The following CCNF variants were observed in gnomAD, a reference collection of about 807,000 sequenced individuals.
CCNF encodes the protein cyclin F, also known as cyclin-F.
In CCNF, 30 loss-of-function variants were observed where a neutral mutation model predicts 85.4. That is an observed-to-expected ratio of 0.35 (90% confidence interval 0.26 to 0.48). The LOEUF is 0.48. Among genes scored for constraint, CCNF ranks in the 20% least tolerant of loss-of-function variants. CCNF has a pLI of 0.99. For missense variants in CCNF, 919 were observed against 1,010.4 expected (o/e 0.91, Z 1.23); for synonymous variants, 439 against 425.1 (o/e 1.03, Z -0.40).
Position 2,453,284 on chromosome 16 carries a change from G to A in CCNF, c.1562G>A (p.Arg521His), listed in dbSNP as rs775623319. The part of the protein sequence containing the change: ...TAVKQRFEDK[R>H]YGEISQEEVL... Reference sequence around the variant, plus strand: ...GTGAAGCAGCGGTTTGAGGACAAGCGCTATGGAGAAATCAGCCAGGAAGAG... The same window carrying A: ...GTGAAGCAGCGGTTTGAGGACAAGCACTATGGAGAAATCAGCCAGGAAGAG... The change falls in exon 14 of 17, where the codon CGC (arginine) becomes CAC (histidine). Residue 521 changes from arginine (R) to histidine (H), a missense_variant. Arg to His is a conservative substitution (Grantham distance 29). Coordinates refer to ENST00000397066, the MANE Select transcript of CCNF (RefSeq NM_001761.3). The surrounding 1 kb of genome is among the most constrained non-coding windows in gnomAD (Gnocchi z 5.6). 1.3e-5 allele frequency: 21 copies of A among 1,613,798 alleles called. No homozygotes were observed. The highest frequency in any genetic ancestry group is 1.1e-4 in the East Asian group (5 of 44,884).
chr16:2,442,284 G>T (rs999447784), intron 8 of CCNF, among the ~76,000 whole-genome samples: 1 of 140,068 alleles, frequency 7.1e-6, no homozygotes, highest in Non-Finnish European at 1.5e-5. Flanking sequence ...TGGGATTACA[G>T]GCTTGAGCCA....
At chr16:2,445,936 G>A (rs911576487) in intron 10 of CCNF, among the ~76,000 whole-genome samples, 3 of 151,972 alleles carry the variant, frequency 2.0e-5, no homozygotes, top group Admixed American at 6.6e-5. Context: ...CATCATGTTG[G>A]TCAGGCTGGT....
Position 2,449,819 on chromosome 16 carries a change from C to A in CCNF, c.1400-9C>A. ...ATCCCCTCCACCCCTGGCCTGCTTT[C>A]CTCCCCAGCACAGCCCTGGACCACT... is the stretch of plus-strand genomic sequence containing the variant. On this transcript the variant is annotated splice_polypyrimidine_tract_variant and intron_variant, in intron 12 of 16. Coordinates refer to ENST00000397066, the MANE Select transcript of CCNF (RefSeq NM_001761.3). 1 of 911,786 alleles carries A rather than the reference C, an allele frequency of 1.1e-6. No individual in the cohort carries two copies. Among genetic ancestry groups the A allele is most frequent in the Non-Finnish European group, 1.5e-6 (1 of 649,066 alleles). 56.5% of individuals were successfully genotyped at this position (911,786 alleles called of 1,614,324 possible).
rs957837689 is a variant in CCNF at position 2,431,084 on chromosome 16, G to T, written c.17-46G>T. 3 of 1,594,082 alleles carry T rather than the reference G, an allele frequency of 1.9e-6. No individual in the cohort carries two copies. In the African/African-American group the frequency reaches 4.0e-5, roughly 22 times the overall value. ...TTTTCCCTTCAAGGGTGTGTATATAGAATAATTTTTCATCTTATCAAGGCT... is the reference window on the plus strand; with the variant it reads ...TTTTCCCTTCAAGGGTGTGTATATATAATAATTTTTCATCTTATCAAGGCT... On this transcript the variant is annotated intron_variant, in intron 1 of 16. Coordinates refer to ENST00000397066, the MANE Select transcript of CCNF (RefSeq NM_001761.3).
chr16:2,455,304 G>C, intron 15 of CCNF, 91 bp from the exon 16 acceptor site: 3 of 1,438,498 alleles, frequency 2.1e-6, no homozygotes, highest in Non-Finnish European at 2.8e-6. Context: ...GACAGGCTGG[G>C]GCACGCGGGT....
chr16:2,457,467 G>A lies in CCNF; in HGVS notation c.*447G>A, dbSNP rs1213042537. ...TGCTGGTTTGGGGCTTCAGTGGGGA[G>A]CTGACAGCTGTGAGCACACCACTGT... On this transcript the variant is annotated 3_prime_UTR_variant, in exon 17 of 17. Transcript: ENST00000397066. The A allele has an allele frequency of 6.2e-6, 1 of 160,040 alleles. No homozygotes were observed. Among genetic ancestry groups the A allele is most frequent in the Non-Finnish European group, 1.4e-5 (1 of 72,646 alleles). The allele number at this position is 160,040 out of a possible 1,614,324, so 9.9% of individuals were successfully genotyped here. A position where few individuals can be genotyped will look rare whatever the true frequency, so the allele number is the denominator to read the frequency against.
At chr16:2,450,275 G>A (rs1037560753) in intron 13 of CCNF, among the ~76,000 whole-genome samples, 9 of 145,516 alleles carry the variant, frequency 6.2e-5, no homozygotes, top group African/African-American at 1.6e-4. Flanking sequence ...CAAAGCGGGC[G>A]GATCACCGAG....
intron 11 of CCNF, 57 bp downstream of exon 11, chr16:2,449,035 G>T: frequency 7.4e-7 from 1 of 1,345,884 alleles, no homozygotes; most frequent in Non-Finnish European, 1.1e-6. Flanking sequence ...CTGGAGGGTG[G>T]GGGTGGGCAT....
Position 2,456,866 on chromosome 16 carries a change from C to T in CCNF, c.2207C>T (p.Thr736Ile). The change falls in exon 17 of 17, where the codon ACA (threonine) becomes ATA (isoleucine). Residue 736 changes from threonine (T) to isoleucine (I), a missense_variant. By Grantham distance (89) the Thr-to-Ile change is moderately conservative (BLOSUM62 -1). Around this residue, in one of 3 missense-constraint regions of CCNF, gnomAD observed 505 missense variants for 514.8 expected, o/e 0.98. Coordinates refer to ENST00000397066, the MANE Select transcript of CCNF (RefSeq NM_001761.3). This position sits in a 1 kb window ranked among gnomAD's most constrained non-coding sequence, Gnocchi z 4.5. ...SVLSLDSDSH[T>I]QPCHHQARKS... is the part of the protein sequence containing the mutation. ...CTGTCCCTGGACAGTGACTCGCACA[C>T]ACAGCCCTGCCACCATCAGGCCAGG... is the stretch of plus-strand genomic sequence containing the variant. The T allele has an allele frequency of 6.2e-7, 1 of 1,614,132 alleles. No individual in the cohort carries two copies. Among genetic ancestry groups the T allele is most frequent in the South Asian group, 1.1e-5 (1 of 91,084 alleles).
intron 3 of CCNF, among the ~76,000 whole-genome samples, chr16:2,433,468 C>T (rs1201563514): frequency 6.6e-6 from 1 of 152,260 alleles, no homozygotes; most frequent in Non-Finnish European, 1.5e-5. Context: ...CACCCCGCAC[C>T]CTGGCCCCTG....
intron 8 of CCNF, among the ~76,000 whole-genome samples, chr16:2,441,822 A>T (rs1261592450): frequency 1.3e-5 from 2 of 149,116 alleles, no homozygotes. Context: ...TGGCCAAAAA[A>T]AATTAATAAT....
intron 1 of CCNF, 120 bp downstream of exon 1, chr16:2,429,617 C>G: frequency 3.0e-6 from 3 of 1,010,466 alleles, no homozygotes; most frequent in Middle Eastern, 3.3e-4. Flanking sequence ...CTGGCTCGAG[C>G]TCTTTAACCC....
Position 2,431,262 on chromosome 16 carries a change from A to T in CCNF, c.149A>T (p.Glu50Val), listed in dbSNP as rs760072087. The T allele has an allele frequency of 1.2e-6, 2 of 1,614,128 alleles. No individual in the cohort carries two copies. The highest frequency in any genetic ancestry group is 1.7e-6 in the Non-Finnish European group (2 of 1,180,016). ...CACATCCTGAAATGGCTTTCTGTAG[A>T]GGACATCCTGGCCGTCCGAGCTGTA... ...LFHILKWLSV[E>V]DILAVRAVHS... The change falls in exon 2 of 17, where the codon GAG becomes GTG. Residue 50 changes from glutamate to valine, a missense_variant. Transcript: ENST00000397066.
Position 2,453,587 on chromosome 16 carries a change from G to T in CCNF, c.1715+50G>T. 6.2e-7 allele frequency: 1 copy of T among 1,609,962 alleles called. No individual in the cohort carries two copies. The highest frequency in any genetic ancestry group is 8.5e-7 in the Non-Finnish European group (1 of 1,178,066). On this transcript the variant is annotated intron_variant, in intron 15 of 16. Coordinates refer to ENST00000397066, the MANE Select transcript of CCNF (RefSeq NM_001761.3). The surrounding 1 kb of genome is among the most constrained non-coding windows in gnomAD (Gnocchi z 5.6). Reference sequence around the variant, plus strand: ...CGCCATACAATGCTGGCATCCTCGTGCCGGCCCAGTTCCCTCAGCGCTTCC... The same window carrying T: ...CGCCATACAATGCTGGCATCCTCGTTCCGGCCCAGTTCCCTCAGCGCTTCC...
At chr16:2,436,716 C>T (rs983373594) in intron 4 of CCNF, 3 of 156,118 alleles carry the variant, frequency 1.9e-5, no homozygotes, top group African/African-American at 7.2e-5. Flanking sequence ...AGGATATTCA[C>T]AGGGTTGTGC....
intron 6 of CCNF, 133 bp from the exon 7 acceptor site, chr16:2,439,220 C>A (rs2065307987): frequency 4.5e-6 from 3 of 664,366 alleles, no homozygotes; most frequent in Non-Finnish European, 7.6e-6. Flanking sequence ...ATTGGTTGAA[C>A]CCAGGAGGCG....
rs371599778 is a variant in CCNF, at chr16:2,449,214, C to A, written c.1219-68C>A. The stretch of plus-strand genomic sequence containing the variant: ...CATCCGGGCCAGACCCTGCGCTGGG[C>A]CTGCATGCGGCACTGCACCAAGGAG... On this transcript the variant is annotated intron_variant, in intron 11 of 16. Coordinates refer to ENST00000397066, the MANE Select transcript of CCNF (RefSeq NM_001761.3). The A allele has an allele frequency of 5.8e-6, 9 of 1,559,596 alleles. No homozygotes were observed. In the African/African-American group the frequency reaches 6.8e-5, roughly 12 times the overall value.
intron 3 of CCNF, 128 bp downstream of exon 3, chr16:2,433,195 C>A: frequency 3.2e-6 from 2 of 620,338 alleles, no homozygotes; most frequent in Non-Finnish European, 5.8e-6. Context: ...TGCCTCATAC[C>A]CTGGGGAGTG....
In CCNF at chr16:2,451,056, G is replaced by T. The variant is rs2065392505; in HGVS notation, c.1487+1141G>T. ...CCTTCTCTCTGGTGAGCCTGGCCCG[G>T]CCCTCGCCACATCTAAGCCCCTTCA... On this transcript the variant is annotated intron_variant, in intron 13 of 16. Coordinates refer to ENST00000397066, the MANE Select transcript of CCNF (RefSeq NM_001761.3). This position sits in a 1 kb window ranked among gnomAD's most constrained non-coding sequence, Gnocchi z 4.3. Among the ~76,000 whole-genome samples, 1 of 152,198 alleles carries T rather than the reference G, an allele frequency of 6.6e-6. No individual in the cohort carries two copies. Among genetic ancestry groups the T allele is most frequent in the Non-Finnish European group, 1.5e-5 (1 of 68,038 alleles).
Sources: allele counts gnomAD v4.1 joint callset (sites outside exome capture counted in the v4.1 genomes callset), GRCh38; gene constraint gnomAD v4.1.1; regional missense constraint gnomAD v4.1.1; non-coding constraint Gnocchi (gnomAD v3.1); transcripts MANE v1.5; gene names NCBI Gene and HGNC (gene_info 2026-07-23, HGNC 2026-07-21).